The following DENND1A variants were observed in gnomAD, a reference collection of about 807,000 sequenced individuals.
DENND1A encodes DENN domain containing 1A.
DENND1A carries 51 observed loss-of-function variants against 113.7 expected under a neutral mutation model. That is an observed-to-expected ratio of 0.45 (90% CI 0.36 to 0.57). The LOEUF (loss-of-function observed/expected upper bound fraction) is 0.57, where lower values mean the gene tolerates loss of function less well. Among genes scored for constraint, DENND1A ranks in the 20% least tolerant of loss-of-function variants. The pLI, the probability that DENND1A is intolerant of heterozygous loss-of-function variation, is 0.00. For missense variants in DENND1A, 1,258 were observed against 1,395.9 expected (o/e 0.90, Z 1.57); for synonymous variants, 565 against 570.8 (o/e 0.99, Z 0.14).
chr9:123,493,794 G>A (rs940809400), intron 13 of DENND1A, among the ~76,000 whole-genome samples: 2 of 152,176 alleles, frequency 1.3e-5, no homozygotes, highest in African/African-American at 2.4e-5. Flanking sequence ...CTGCCAGGGC[G>A]GAGGGGAAGG....
intron 15 of DENND1A, among the ~76,000 whole-genome samples, chr9:123,455,299 C>T (rs997827707): frequency 6.6e-6 from 1 of 152,188 alleles, no homozygotes; most frequent in African/African-American, 2.4e-5. Flanking sequence ...GGAGGTCAGG[C>T]TCCGAGGCAG....
chr9:123,903,793 G>C (rs1437248118), intron 1 of DENND1A, among the ~76,000 whole-genome samples: 1 of 152,196 alleles, frequency 6.6e-6, no homozygotes, highest in Non-Finnish European at 1.5e-5. Flanking sequence ...CGAGGCTGGG[G>C]GAGGGGCGCC....
At chr9:123,385,885 AAGTC>A (rs2042537601) in intron 22 of DENND1A, among the ~76,000 whole-genome samples, 1 of 152,212 alleles carries the variant, frequency 6.6e-6, no homozygotes, top group African/African-American at 2.4e-5. Context: ...GAAAGGGTTA[AAGTC>A]AGTCAGTGTG....
chr9:123,735,324 C>A (rs573434875), intron 5 of DENND1A, among the ~76,000 whole-genome samples: 1 of 152,248 alleles, frequency 6.6e-6, no homozygotes, highest in South Asian at 2.1e-4. Flanking sequence ...CTCTCGCAAC[C>A]CTTTGAGGTG....
chr9:123,819,096 A>G (rs951154911), intron 2 of DENND1A, among the ~76,000 whole-genome samples: 10 of 152,242 alleles, frequency 6.6e-5, no homozygotes, highest in Non-Finnish European at 1.0e-4. Context: ...CAAGCTCTTC[A>G]GGTGATTATC....
At chr9:123,457,560 T>C in intron 14 of DENND1A, 125 bp from the exon 15 acceptor site, 1 of 845,220 alleles carries the variant, frequency 1.2e-6, no homozygotes, top group Non-Finnish European at 1.9e-6. Flanking sequence ...CAGGCAAGTT[T>C]CTTTCTAAAA....
At chr9:123,402,239 C>T (rs1027520760) in intron 21 of DENND1A, among the ~76,000 whole-genome samples, 6 of 124,874 alleles carry the variant, frequency 4.8e-5, no homozygotes, top group African/African-American at 1.4e-4. Context: ...CAAGCGCACA[C>T]GTGCACACAC....
intron 2 of DENND1A, among the ~76,000 whole-genome samples, chr9:123,800,072 T>C (rs1037883460): frequency 1.3e-5 from 2 of 152,254 alleles, no homozygotes; most frequent in African/African-American, 4.8e-5. Flanking sequence ...AGAAACACTA[T>C]AACTTTATCA....
At position 123,642,078 on chromosome 9, in the gene DENND1A, T is replaced by C. The variant is rs183810372; in HGVS notation, c.618+9935A>G. Among the ~76,000 whole-genome samples, 155 of 152,314 alleles carry C rather than the reference T, an allele frequency of 1.0e-3. 1 individual carries two copies. Among genetic ancestry groups the C allele is most frequent in the Non-Finnish European group, 1.6e-3 (112 of 68,020 alleles). The stretch of plus-strand genomic sequence containing the variant: ...GAGACCATGGCTGGTTGAAGTCACA[T>C]CAAAGTGTCACAAATGAACCTGTTG... On this transcript the variant is annotated intron_variant, in intron 9 of 23. Transcript: ENST00000394215.
chr9:123,649,018 T>C (rs953403848), intron 9 of DENND1A, among the ~76,000 whole-genome samples: 10 of 152,214 alleles, frequency 6.6e-5, no homozygotes, highest in South Asian at 2.1e-4. Flanking sequence ...ATAGAAAGTT[T>C]TGATATCTGG....
intron 13 of DENND1A, chr9:123,485,654 G>GCACACACACACA (rs1554837452): frequency 1.4e-4 from 6 of 44,168 alleles, no homozygotes; most frequent in Non-Finnish European, 2.3e-4. Flanking sequence ...ACGCGCGCGC[G>GCACACACACACA]CGCACACACA....
In DENND1A at chr9:123,382,172, G is replaced by T; in HGVS notation, c.2473C>A (p.Leu825Met). The T allele has an allele frequency of 6.2e-7, 1 of 1,608,974 alleles. No individual in the cohort carries two copies. Among genetic ancestry groups the T allele is most frequent in the Non-Finnish European group, 8.5e-7 (1 of 1,179,156 alleles). Reference sequence around the variant, plus strand: ...GGGCCAGGGCTGAGCGGCTGGAGCAGTTCAGTGGGGCCTTGGGGGACAACA... The same window carrying T: ...GGGCCAGGGCTGAGCGGCTGGAGCATTTCAGTGGGGCCTTGGGGGACAACA... The part of the protein sequence containing the change: ...PGVVPQGPTE[L>M]LQPLSPGPGA... The change falls in exon 24 of 24, where the codon CTG becomes ATG. Residue 825 changes from leucine (L) to methionine (M), a missense_variant. Transcript: ENST00000394215.
At chr9:123,468,767 G>A (rs921590398) in intron 13 of DENND1A, among the ~76,000 whole-genome samples, 5 of 152,240 alleles carry the variant, frequency 3.3e-5, no homozygotes, top group Non-Finnish European at 7.3e-5. Context: ...GGGGACAGCA[G>A]GCTTAGATGA....
chr9:123,725,758 A>G (rs1350159477), intron 5 of DENND1A, among the ~76,000 whole-genome samples: 1 of 152,250 alleles, frequency 6.6e-6, no homozygotes, highest in African/African-American at 2.4e-5. Flanking sequence ...GTTCCTTTGT[A>G]AACAACTTCT....
Position 123,381,926 on chromosome 9 carries a change from G to A in DENND1A, c.2719C>T (p.Pro907Ser). 3.4e-6 allele frequency: 5 copies of A among 1,454,940 alleles called. No homozygotes were observed. The highest frequency in any genetic ancestry group is 2.4e-5 in the East Asian group (1 of 41,150). 90.1% of individuals were successfully genotyped at this position (1,454,940 alleles called of 1,614,324 possible). Residue 907 changes from proline to serine, a missense_variant, in exon 24 of 24, where the codon CCC becomes TCC. Around this residue, in one of 2 missense-constraint regions of DENND1A, gnomAD observed 1,159 missense variants for 1,231.7 expected, o/e 0.94. Coordinates refer to ENST00000394215, the MANE Select transcript of DENND1A (RefSeq NM_001352964.2). This position sits in a 1 kb window ranked among gnomAD's most constrained non-coding sequence, Gnocchi z 4.7. ...PSMPAAPPTL[P>S]LVSTPAGPFG... ...GGCCCGGCTGGTGTGGAGACCAGGG[G>A]CAGGGTGGGTGGGGCTGCTGGCATG...
intron 20 of DENND1A, among the ~76,000 whole-genome samples, chr9:123,407,096 C>T (rs990868414): frequency 7.2e-6 from 1 of 138,310 alleles, no homozygotes; most frequent in African/African-American, 2.7e-5. Context: ...AATGGGTTGG[C>T]AATCAGCGGG....
At chr9:123,443,744 C>A (rs1299228581) in intron 18 of DENND1A, among the ~76,000 whole-genome samples, 2 of 152,178 alleles carry the variant, frequency 1.3e-5, no homozygotes, top group African/African-American at 4.8e-5. Flanking sequence ...CACTTGAGCC[C>A]AGGAGTTTGA....
chr9:123,673,267 A>G (rs546683871), intron 6 of DENND1A, among the ~76,000 whole-genome samples: 1 of 152,222 alleles, frequency 6.6e-6, no homozygotes, highest in South Asian at 2.1e-4. Context: ...CAAACTTTCA[A>G]TGTATTCATT....
rs2045387003 is a variant in DENND1A, at chr9:123,422,515, T to A, written c.1489-10686A>T. On this transcript the variant is annotated intron_variant, in intron 19 of 23. Coordinates refer to ENST00000394215, the MANE Select transcript of DENND1A (RefSeq NM_001352964.2). The surrounding 1 kb of genome is among the most constrained non-coding windows in gnomAD (Gnocchi z 4.8). Reference sequence around the variant, plus strand: ...AGGTTCACCAGACAGAAGGTTTTTTTTTTTTTTCCTTCCCTCAGAACAAAT... The same window carrying A: ...AGGTTCACCAGACAGAAGGTTTTTTATTTTTTTCCTTCCCTCAGAACAAAT... Among the ~76,000 whole-genome samples the A allele has an allele frequency of 6.6e-6, 1 of 152,190 alleles. No individual in the cohort carries two copies. The highest frequency in any genetic ancestry group is 2.1e-4 in the South Asian group (1 of 4,826).
Sources: gnomAD v4.1 joint callset for allele counts (sites outside exome capture counted in the v4.1 genomes callset) on GRCh38, gnomAD v4.1.1 for gene constraint, gnomAD v4.1.1 regional missense constraint, Gnocchi (gnomAD v3.1) non-coding constraint, MANE v1.5 for transcripts, NCBI Gene and HGNC (gene_info 2026-07-23, HGNC 2026-07-21) for gene names.